N4BP2L2: variants seen among roughly 807,000 people sequenced by gnomAD.
N4BP2L2 encodes the protein NEDD4 binding protein 2 like 2, also known as NEDD4-binding protein 2-like 2.
Under a neutral mutation model 56.2 loss-of-function variants are expected in N4BP2L2, and 50 were observed. The observed-to-expected ratio is 0.89, with a 90% confidence interval of 0.71 to 1.13. N4BP2L2 has a LOEUF of 1.13. Among genes scored for constraint, N4BP2L2 ranks in the 50% most tolerant of loss-of-function variants. The pLI is 0.00. For synonymous variants in N4BP2L2, 203 were observed against 223.6 expected, an observed-to-expected ratio of 0.91 and a Z score of 0.82; for missense variants, 689 against 693.8, an observed-to-expected ratio of 0.99 and a Z score of 0.08.
chr13:32,507,096 A>G (rs751721959), downstream of N4BP2L2: 1 of 152,170 alleles, frequency 6.6e-6, no homozygotes, highest in Admixed American at 6.5e-5. Flanking sequence ...CAGGTGGCAA[A>G]GTCCATAGAA....
At chr13:32,508,362 T>C (rs1264394653), downstream of N4BP2L2, 2 of 152,168 alleles carry the variant, frequency 1.3e-5, no homozygotes, top group African/African-American at 4.8e-5. Context: ...TGGGTCAGAC[T>C]CAGCAAAGAA....
At chr13:32,533,361 C>T (rs2055532559) in intron 2 of N4BP2L2, among the ~76,000 whole-genome samples, 1 of 152,034 alleles carries the variant, frequency 6.6e-6, no homozygotes, top group African/African-American at 2.4e-5. Flanking sequence ...TATCATCCGA[C>T]ATCTTGAATA....
chr13:32,440,099 C>T (rs1025907139), intron 7 of N4BP2L2, among the ~76,000 whole-genome samples: 6 of 151,468 alleles, frequency 4.0e-5, no homozygotes, highest in African/African-American at 1.5e-4. Flanking sequence ...ACAAAGTTTA[C>T]AAATATGATA....
intron 8 of N4BP2L2, chr13:32,436,431 A>T (rs1455670778): frequency 9.7e-7 from 1 of 1,032,992 alleles, no homozygotes; most frequent in Non-Finnish European, 1.4e-6. Context: ...AAAATACATA[A>T]AATATTAATA....
intron 6 of N4BP2L2, among the ~76,000 whole-genome samples, chr13:32,472,967 T>C (rs558610195): frequency 3.3e-4 from 51 of 152,322 alleles, no homozygotes; most frequent in Non-Finnish European, 1.8e-4. Flanking sequence ...TTTTAAAAAG[T>C]AAAATAACTT....
intron 6 of N4BP2L2, among the ~76,000 whole-genome samples, chr13:32,486,517 A>T (rs2085898172): frequency 6.6e-6 from 1 of 151,886 alleles, no homozygotes; most frequent in African/African-American, 2.4e-5. Context: ...CTCTACTAAA[A>T]ATACAAAAAT....
At chr13:32,522,421 C>T (rs1049315406) in intron 3 of N4BP2L2, 151 bp from the exon 4 acceptor site, 18 of 451,406 alleles carry the variant, frequency 4.0e-5, no homozygotes, top group Non-Finnish European at 5.3e-5. Flanking sequence ...AAAAAGAACT[C>T]CACTAGATTG....
intron 6 of N4BP2L2, among the ~76,000 whole-genome samples, chr13:32,473,490 A>G (rs2082699848): frequency 6.6e-6 from 1 of 152,242 alleles, no homozygotes. Context: ...CTGCTGTAAT[A>G]AGTGACTGTG....
exon 2 of N4BP2L2, chr13:32,536,705 G>A (rs2056640195): frequency 1.2e-6 from 2 of 1,614,050 alleles, no homozygotes; most frequent in Non-Finnish European, 1.7e-6. Context: ...GGATACTAAT[G>A]GAGGACGTGC....
intron 6 of N4BP2L2, among the ~76,000 whole-genome samples, chr13:32,464,832 T>A (rs1372640753): frequency 6.6e-6 from 1 of 152,094 alleles, no homozygotes; most frequent in Non-Finnish European, 1.5e-5. Flanking sequence ...CCAAAATACA[T>A]GAAATAAAAA....
intron 4 of N4BP2L2, 173 bp downstream of exon 4, chr13:32,522,009 G>A (rs2051096947): frequency 1.8e-6 from 1 of 563,138 alleles, no homozygotes; most frequent in Admixed American, 3.8e-5. Context: ...AGATGAACAT[G>A]TTCCTTAAAA....
At chr13:32,505,066 A>G (rs1313784545) in intron 6 of N4BP2L2, 1 of 152,216 alleles carries the variant, frequency 6.6e-6, no homozygotes, top group Admixed American at 6.5e-5. Flanking sequence ...CTCAGCCCTA[A>G]GAAGTAGCCT....
At chr13:32,478,168 G>T in intron 6 of N4BP2L2, 1 of 752,030 alleles carries the variant, frequency 1.3e-6, no homozygotes, top group Non-Finnish European at 1.8e-6. Context: ...GAAGAACTTG[G>T]GCAGGTAAAA....
At chr13:32,514,895 T>C (rs2048866000) in exon 6 of N4BP2L2, 1 of 152,058 alleles carries the variant, frequency 6.6e-6, no homozygotes, top group Non-Finnish European at 1.5e-5. Flanking sequence ...CCCAGCACTT[T>C]GGGAGGCCAA....
chr13:32,486,139 C>G (rs528827802), intron 6 of N4BP2L2, among the ~76,000 whole-genome samples: 1 of 152,002 alleles, frequency 6.6e-6, no homozygotes, highest in Non-Finnish European at 1.5e-5. Context: ...AAAACATGTA[C>G]GAAAACTCCA....
At chr13:32,470,935 A>G (rs2082176294) in intron 6 of N4BP2L2, among the ~76,000 whole-genome samples, 1 of 152,222 alleles carries the variant, frequency 6.6e-6, no homozygotes, top group African/African-American at 2.4e-5. Flanking sequence ...AGATAGGTCT[A>G]GCTGGGGTGC....
chr13:32,533,939 T>C (rs1364160439), intron 2 of N4BP2L2, among the ~76,000 whole-genome samples: 1 of 152,190 alleles, frequency 6.6e-6, no homozygotes, highest in East Asian at 1.9e-4. Flanking sequence ...CAGACCAGGA[T>C]CCTTGAAGTC....
intron 6 of N4BP2L2, among the ~76,000 whole-genome samples, chr13:32,474,621 G>A (rs1199798182): frequency 9.2e-5 from 14 of 152,176 alleles, no homozygotes; most frequent in Admixed American, 9.2e-4. Flanking sequence ...TTGAGCCTGG[G>A]GGGACAGAGG....
chr13:32,493,732 T>A (rs1593846023), intron 6 of N4BP2L2, among the ~76,000 whole-genome samples: 1 of 152,254 alleles, frequency 6.6e-6, no homozygotes, highest in East Asian at 1.9e-4. Context: ...TTCATATAAC[T>A]GCCTGAGGCA....
Sources: gnomAD v4.1 joint callset for allele counts (sites outside exome capture counted in the v4.1 genomes callset) on GRCh38, gnomAD v4.1.1 for gene constraint, MANE v1.5 for transcripts, NCBI Gene and HGNC (gene_info 2026-07-23, HGNC 2026-07-21) for gene names.